Variants in MBNL3 observed in about 807,000 individuals in gnomAD.
The protein encoded by MBNL3 is muscleblind-like protein 3.
MBNL3 carries 6 observed loss-of-function variants against 24.5 expected under a neutral mutation model. That is an observed-to-expected ratio of 0.25 (90% CI 0.13 to 0.48). The LOEUF is 0.48. MBNL3 is among the 20% of genes least tolerant of loss of function. The pLI is 0.99. For synonymous variants in MBNL3, 100 were observed against 101.7 expected (o/e 0.98, Z 0.10); for missense variants, 230 against 293.5 (o/e 0.78, Z 1.58).
chrX:132,418,850 G>T (rs1333663634), intron 2 of MBNL3, among the ~76,000 whole-genome samples: 1 of 112,418 alleles, frequency 8.9e-6, no homozygotes, highest in East Asian at 2.8e-4. Flanking sequence ...ACAGCTCATT[G>T]TAACCTCAAC....
intron 2 of MBNL3, among the ~76,000 whole-genome samples, chrX:132,422,127 ATG>A (rs113734916): frequency 0.044 from 4,499 of 101,257 alleles, 90 homozygotes; most frequent in African/African-American, 0.088. Flanking sequence ...TGAATATACT[ATG>A]TGTGTGTGTG....
At chrX:132,470,796 T>C (rs1947140301) in intron 1 of MBNL3, among the ~76,000 whole-genome samples, 1 of 111,869 alleles carries the variant, frequency 8.9e-6, no homozygotes, top group Admixed American at 9.5e-5. Flanking sequence ...GATGTTTACT[T>C]CATTCAAGCA....
At chrX:132,450,253 G>C (rs1946022371) in intron 1 of MBNL3, among the ~76,000 whole-genome samples, 1 of 111,792 alleles carries the variant, frequency 8.9e-6, no homozygotes, top group Non-Finnish European at 1.9e-5. Context: ...ATCCTGAACA[G>C]TGTTTTCCAG....
chrX:132,395,230 C>T, intron 3 of MBNL3, among the ~76,000 whole-genome samples: 1 of 111,350 alleles, frequency 9.0e-6, no homozygotes, highest in Non-Finnish European at 1.9e-5. Flanking sequence ...GACTAACAGC[C>T]ATGGGTTAAG....
At chrX:132,439,319 AAAC>A in intron 2 of MBNL3, 113 bp downstream of exon 2, 1 of 899,258 alleles carries the variant, frequency 1.1e-6, no homozygotes, top group Non-Finnish European at 1.5e-6. Context: ...TTTGTTAAAA[AAAC>A]AAAATTTATC....
At chrX:132,380,891 G>GAA (rs767382461) in intron 8 of MBNL3, among the ~76,000 whole-genome samples, 16 of 110,620 alleles carry the variant, frequency 1.4e-4, no homozygotes, top group Middle Eastern at 4.7e-3. Context: ...TGATTGGAAT[G>GAA]AAAATAATGA....
Position 132,371,767 on chromosome X carries a change from A to G in MBNL3, c.*7899T>C, listed in dbSNP as rs1220429105. 9.0e-6 allele frequency: 1 copy of G among 111,679 alleles called. No homozygotes were observed. The highest frequency in any genetic ancestry group is 1.9e-5 in the Non-Finnish European group (1 of 53,019). 9.2% of individuals were successfully genotyped at this position (111,679 alleles called of 1,213,427 possible). A position where few individuals can be genotyped will look rare whatever the true frequency, so the allele number is the denominator to read the frequency against. On this transcript the variant is annotated 3_prime_UTR_variant, in exon 9 of 9. Coordinates refer to ENST00000370853, the MANE Select transcript of MBNL3 (RefSeq NM_001386889.1). ...TGTTTTTCTTGTGTCAGTAACTTCA[A>G]TCTTATAAGAGTAATAGGTCTAACA...
rs911120842 is a variant in MBNL3, at chrX:132,370,250, T to A, written c.*9416A>T. The A allele has an allele frequency of 1.8e-5, 2 of 112,048 alleles. No individual in the cohort carries two copies. Among genetic ancestry groups the A allele is most frequent in the African/African-American group, 6.5e-5 (2 of 30,812 alleles). 9.2% of individuals were successfully genotyped at this position (112,048 alleles called of 1,213,427 possible). ...TTAACAAATATAGGCTTTAAATTAC[T>A]CCAGAATTATAATCATACCTCAGGC... On this transcript the variant is annotated 3_prime_UTR_variant, in exon 9 of 9. Transcript: ENST00000370853.
At chrX:132,399,425 A>C (rs1395099964) in intron 3 of MBNL3, among the ~76,000 whole-genome samples, 7 of 111,039 alleles carry the variant, frequency 6.3e-5, no homozygotes, top group Non-Finnish European at 5.7e-5. Context: ...GTACCTAATT[A>C]AGAGTTCTAA....
chrX:132,384,678 G>T lies in MBNL3; in HGVS notation c.943C>A (p.Pro315Thr), dbSNP rs778411009. 5.0e-6 allele frequency: 6 copies of T among 1,196,218 alleles called. No individual in the cohort carries two copies. The highest frequency in any genetic ancestry group is 1.8e-5 in the South Asian group (1 of 54,337). Residue 315 changes from proline (P) to threonine (T), a missense_variant, in exon 7 of 9, where the codon CCC (proline) becomes ACC (threonine). Transcript: ENST00000370853. ...IPAGPILCMA[P>T]ASNIVPMMHG... ...GAAAACCTACCAATATTTGAAGCGGGTGCCATGCACAGTATTGGCCCTGTA... is the reference window on the plus strand; with the variant it reads ...GAAAACCTACCAATATTTGAAGCGGTTGCCATGCACAGTATTGGCCCTGTA...
chrX:132,427,244 C>T (rs1241719557), intron 2 of MBNL3, among the ~76,000 whole-genome samples: 1 of 111,656 alleles, frequency 9.0e-6, no homozygotes, highest in Non-Finnish European at 1.9e-5. Flanking sequence ...AAAAATGAGA[C>T]AATATTCCAA....
intron 5 of MBNL3, among the ~76,000 whole-genome samples, chrX:132,390,265 C>CAAAAAAA (rs59093044): frequency 1.3e-4 from 4 of 31,612 alleles, no homozygotes; most frequent in Admixed American, 4.8e-4. Context: ...ACAACAACAA[C>CAAAAAAA]AAAAAAAAAA....
At chrX:132,467,568 C>T (rs1487918748) in intron 1 of MBNL3, among the ~76,000 whole-genome samples, 1 of 112,117 alleles carries the variant, frequency 8.9e-6, no homozygotes, top group Non-Finnish European at 1.9e-5. Context: ...TTACATTTAA[C>T]AGCAATATAT....
At chrX:132,396,555 CCTATATATATTCCT>C (rs1938726451) in intron 3 of MBNL3, among the ~76,000 whole-genome samples, 1 of 19,340 alleles carries the variant, frequency 5.2e-5, no homozygotes, top group Non-Finnish European at 1.3e-4. Flanking sequence ...CCTATATATT[CCTATATATATTCCT>C]ATATATATTC....
chrX:132,414,164 T>C (rs889458611), intron 2 of MBNL3, among the ~76,000 whole-genome samples: 3 of 112,406 alleles, frequency 2.7e-5, no homozygotes, highest in African/African-American at 9.7e-5. Context: ...GTATGGCTAA[T>C]TCTAATGAAC....
chrX:132,371,246 G>C lies in MBNL3; in HGVS notation c.*8420C>G, dbSNP rs1933586116. On this transcript the variant is annotated 3_prime_UTR_variant, in exon 9 of 9. Coordinates refer to ENST00000370853, the MANE Select transcript of MBNL3 (RefSeq NM_001386889.1). Reference sequence around the variant, plus strand: ...AACCTCCTCCCCGACCCTCTTCACTGTTAAGAGACACATCAGTAATACTTT... The same window carrying C: ...AACCTCCTCCCCGACCCTCTTCACTCTTAAGAGACACATCAGTAATACTTT... 1 of 111,292 alleles carries C rather than the reference G, an allele frequency of 9.0e-6. No individual in the cohort carries two copies. Among genetic ancestry groups the C allele is most frequent in the Non-Finnish European group, 1.9e-5 (1 of 53,044 alleles). 9.2% of individuals were successfully genotyped at this position (111,292 alleles called of 1,213,427 possible).
chrX:132,440,917 TAA>T (rs1366764938), intron 1 of MBNL3, among the ~76,000 whole-genome samples: 1 of 112,628 alleles, frequency 8.9e-6, no homozygotes, highest in Non-Finnish European at 1.9e-5. Flanking sequence ...AAATAACTGT[TAA>T]CTTCATCAAA....
At chrX:132,469,590 G>C (rs1299211441) in intron 1 of MBNL3, among the ~76,000 whole-genome samples, 1 of 112,040 alleles carries the variant, frequency 8.9e-6, no homozygotes, top group Non-Finnish European at 1.9e-5. Context: ...CATTGCCTCT[G>C]TTTAAAAATA....
At chrX:132,488,621 AGAAG>A (rs1249142483) in intron 1 of MBNL3, among the ~76,000 whole-genome samples, 1 of 111,859 alleles carries the variant, frequency 8.9e-6, no homozygotes, top group Non-Finnish European at 1.9e-5. Context: ...AAAAAAAGAA[AGAAG>A]GAAGGAAGGG....
Sources: gnomAD v4.1 joint callset for allele counts (sites outside exome capture counted in the v4.1 genomes callset) on GRCh38, gnomAD v4.1.1 for gene constraint, MANE v1.5 for transcripts, NCBI Gene and HGNC (gene_info 2026-07-23, HGNC 2026-07-21) for gene names.